The following FBXO11 variants were observed in gnomAD, a reference collection of about 807,000 sequenced individuals.
The protein encoded by FBXO11 is F-box only protein 11.
A neutral mutation model predicts 117.0 loss-of-function variants in FBXO11; 13 were observed. The ratio of observed to expected loss-of-function variants is 0.11; its 90% CI spans 0.07 to 0.18. FBXO11 has a LOEUF of 0.18. Among genes scored for constraint, FBXO11 ranks in the 10% least tolerant of loss-of-function variants. The pLI is 1.00. For synonymous variants in FBXO11, 490 were observed against 380.5 expected, an observed-to-expected ratio of 1.29 and a Z score of -3.35; for missense variants, 767 against 1,164.4, an observed-to-expected ratio of 0.66 and a Z score of 4.97.
rs1157474962 is a variant in FBXO11 at position 47,807,300 on chromosome 2, T to C, written c.*818A>G. 4 of 216,774 alleles carry C rather than the reference T, an allele frequency of 1.8e-5. No homozygotes were observed. The highest frequency in any genetic ancestry group is 6.8e-5 in the African/African-American group (3 of 44,260). 13.4% of individuals were successfully genotyped at this position (216,774 alleles called of 1,614,324 possible). A position where few individuals can be genotyped will look rare whatever the true frequency, so the allele number is the denominator to read the frequency against. ...TAAAGTGTACTTAAAACATAGTAGT[T>C]TTTTACCTTTCACAAAACTGAGTTA... On this transcript the variant is annotated 3_prime_UTR_variant, in exon 23 of 23. Coordinates refer to ENST00000403359, the MANE Select transcript of FBXO11 (RefSeq NM_001190274.2).
rs894119173 is a variant in FBXO11, at chr2:47,881,324, A to AT, written c.232+24164dup. Among the ~76,000 whole-genome samples the AT allele has an allele frequency of 2.0e-5, 3 of 152,060 alleles. No homozygotes were observed. In the East Asian group the frequency reaches 5.8e-4, roughly 29 times the overall value. ...TTGTTATGTATGTGGTTATATAAGA[A>AT]TTTTTTTTCACTAAATGATGTTTTA... On this transcript the variant is annotated intron_variant, in intron 1 of 22. Transcript: ENST00000403359.
At chr2:47,847,485 G>A (rs940438435) in intron 1 of FBXO11, among the ~76,000 whole-genome samples, 1 of 152,096 alleles carries the variant, frequency 6.6e-6, no homozygotes, top group African/African-American at 2.4e-5. Context: ...AAGACGGGAG[G>A]ATCATTTGAG....
In FBXO11 at chr2:47,901,222, C is replaced by T. The variant is rs191891525; in HGVS notation, c.232+4267G>A. Among the ~76,000 whole-genome samples the T allele has an allele frequency of 9.9e-4, 143 of 144,678 alleles. 1 individual carries two copies. The highest frequency in any genetic ancestry group is 3.9e-3 in the Middle Eastern group (1 of 258). The allele number at this position is 144,678 out of a possible 152,430, so 94.9% of individuals were successfully genotyped here. A position where few individuals can be genotyped will look rare whatever the true frequency, so the allele number is the denominator to read the frequency against. ...GTGTGTCATAGATAAGATTTTTATC[C>T]CACAAATATGGGATTAGAGAGACTA... On this transcript the variant is annotated intron_variant, in intron 1 of 22. Coordinates refer to ENST00000403359, the MANE Select transcript of FBXO11 (RefSeq NM_001190274.2).
intron 1 of FBXO11, chr2:47,883,521 A>T: frequency 2.5e-6 from 1 of 396,208 alleles, no homozygotes; most frequent in Non-Finnish European, 5.0e-6. Flanking sequence ...CTTGGATACA[A>T]CAGAAAATGT....
rs1205940558 is a variant in FBXO11, at chr2:47,832,442, C to T, written c.1305G>A (p.Gly435=). The change falls in exon 11 of 23, where the codon GGG becomes GGA. Residue 435 remains glycine, a synonymous_variant. Coordinates refer to ENST00000403359, the MANE Select transcript of FBXO11 (RefSeq NM_001190274.2). ...GGTTTCCATGATTTTTAACCCAAAT[C>T]CCAGCTAACGCATTATTGGAAATTT... ...DNEISNNALA[G]IWVKNHGNPI... The T allele has an allele frequency of 6.2e-7, 1 of 1,613,498 alleles. No homozygotes were observed. Among genetic ancestry groups the T allele is most frequent in the Non-Finnish European group, 8.5e-7 (1 of 1,179,732 alleles).
chr2:47,812,275 T>C (rs555247491), intron 18 of FBXO11, among the ~76,000 whole-genome samples: 3 of 152,206 alleles, frequency 2.0e-5, no homozygotes, highest in African/African-American at 7.2e-5. Flanking sequence ...ATCTGTATCA[T>C]AGTAGTTGGT....
chr2:47,878,348 C>A (rs558604254), intron 1 of FBXO11, among the ~76,000 whole-genome samples: 7 of 151,990 alleles, frequency 4.6e-5, no homozygotes, highest in East Asian at 3.9e-4. Context: ...TAACACCTTG[C>A]CTTTTGTTCT....
intron 11 of FBXO11, among the ~76,000 whole-genome samples, chr2:47,828,415 C>A (rs1671924803): frequency 6.6e-6 from 1 of 152,134 alleles, no homozygotes; most frequent in Non-Finnish European, 1.5e-5. Flanking sequence ...CTAGACCAGC[C>A]TGGCCAACAT....
At chr2:47,836,921 A>G in intron 4 of FBXO11, 1 of 377,114 alleles carries the variant, frequency 2.7e-6, no homozygotes, top group Non-Finnish European at 5.1e-6. Context: ...TTTTTTTTGT[A>G]GAAATGAGGT....
At chr2:47,870,772 A>G (rs1201331002) in intron 1 of FBXO11, among the ~76,000 whole-genome samples, 2 of 152,206 alleles carry the variant, frequency 1.3e-5, no homozygotes, top group African/African-American at 4.8e-5. Context: ...AGCACTCACA[A>G]ATTTTACTTA....
Position 47,807,165 on chromosome 2 carries a change from C to A in FBXO11, c.*953G>T. On this transcript the variant is annotated 3_prime_UTR_variant, in exon 23 of 23. Coordinates refer to ENST00000403359, the MANE Select transcript of FBXO11 (RefSeq NM_001190274.2). ...TATAGGGCTGTATATATACTTGTCT[C>A]AGCTTAATGCAGGAAATTGGTTTAA... 1 of 290,878 alleles carries A rather than the reference C, an allele frequency of 3.4e-6. No individual in the cohort carries two copies. The highest frequency in any genetic ancestry group is 6.5e-6 in the Non-Finnish European group (1 of 154,920). The allele number at this position is 290,878 out of a possible 1,614,324, so 18.0% of individuals were successfully genotyped here. A position where few individuals can be genotyped will look rare whatever the true frequency, so the allele number is the denominator to read the frequency against.
intron 1 of FBXO11, 58 bp downstream of exon 1, chr2:47,905,431 G>T: frequency 8.5e-7 from 1 of 1,173,130 alleles, no homozygotes; most frequent in Non-Finnish European, 1.0e-6. Flanking sequence ...CGCCCGCCCC[G>T]GCCTCCCTTC....
chr2:47,826,784 G>C (rs1671786764), intron 11 of FBXO11, among the ~76,000 whole-genome samples: 1 of 151,312 alleles, frequency 6.6e-6, no homozygotes, highest in Admixed American at 6.6e-5. Context: ...TTATTTTTTT[G>C]ACACAGAGTC....
intron 1 of FBXO11, among the ~76,000 whole-genome samples, chr2:47,882,841 G>GT (rs1676535153): frequency 6.6e-6 from 1 of 152,116 alleles, no homozygotes; most frequent in Non-Finnish European, 1.5e-5. Context: ...TTAGAGACAG[G>GT]TTTTGCCATG....
At chr2:47,890,791 G>A (rs114767069) in intron 1 of FBXO11, among the ~76,000 whole-genome samples, 2,930 of 151,168 alleles carry the variant, frequency 0.019, 35 homozygotes, top group Non-Finnish European at 0.03. Context: ...GCGACAGAGC[G>A]AGACCCTGTC....
chr2:47,823,609 T>C (rs550596779), intron 11 of FBXO11, among the ~76,000 whole-genome samples: 127 of 151,918 alleles, frequency 8.4e-4, no homozygotes, highest in Non-Finnish European at 1.5e-3. Flanking sequence ...AAAAATTAGC[T>C]GGGTGTGGTG....
At chr2:47,850,302 T>C (rs770859304) in intron 1 of FBXO11, among the ~76,000 whole-genome samples, 5 of 152,100 alleles carry the variant, frequency 3.3e-5, no homozygotes, top group Non-Finnish European at 5.9e-5. Flanking sequence ...AATTTTGAGT[T>C]TTGAGGTACC....
intron 9 of FBXO11, 40 bp from the exon 10 acceptor site, chr2:47,832,718 C>CA: frequency 1.2e-6 from 2 of 1,607,536 alleles, no homozygotes; most frequent in Non-Finnish European, 1.7e-6. Context: ...ACCTACTGGG[C>CA]AACATACAGT....
At chr2:47,903,858 T>C (rs1429017804) in intron 1 of FBXO11, among the ~76,000 whole-genome samples, 1 of 152,196 alleles carries the variant, frequency 6.6e-6, no homozygotes, top group Non-Finnish European at 1.5e-5. Flanking sequence ...AGAAGAACAC[T>C]GATAGACATA....
Sources: gnomAD v4.1 joint callset for allele counts (sites outside exome capture counted in the v4.1 genomes callset) on GRCh38, gnomAD v4.1.1 for gene constraint, MANE v1.5 for transcripts, NCBI Gene and HGNC (gene_info 2026-07-23, HGNC 2026-07-21) for gene names.